ERICH1: variants seen among roughly 807,000 people sequenced by gnomAD.
The protein encoded by ERICH1 is glutamate rich 1.
In ERICH1, 56 loss-of-function variants were observed where a neutral mutation model predicts 39.6. The ratio of observed to expected loss-of-function variants is 1.41; its 90% confidence interval spans 1.14 to 1.77. The LOEUF is 1.77. Ranked by LOEUF, ERICH1 falls within the 40% of genes most tolerant of loss-of-function variation. ERICH1 has a pLI of 0.00. For missense variants in ERICH1, 826 were observed against 575.4 expected (o/e 1.44, Z -4.45); for synonymous variants, 313 against 223.6 (o/e 1.40, Z -3.57).
downstream of ERICH1, among the ~76,000 whole-genome samples, chr8:660,315 C>A (rs924487976): frequency 6.6e-6 from 1 of 152,256 alleles, no homozygotes; most frequent in East Asian, 1.9e-4. Context: ...AGGCAGATTA[C>A]CTGGGCAGGC....
At chr8:619,163 C>T (rs1276315188) in intron 3 of ERICH1, among the ~76,000 whole-genome samples, 1 of 151,984 alleles carries the variant, frequency 6.6e-6, no homozygotes, top group Admixed American at 6.6e-5. Context: ...CAGTCTGGGG[C>T]TCTGGCCACC....
At chr8:663,035 G>A (rs892165105), downstream of ERICH1, among the ~76,000 whole-genome samples, 10 of 152,378 alleles carry the variant, frequency 6.6e-5, no homozygotes, top group African/African-American at 1.4e-4. Context: ...GAAGAGTGGC[G>A]TCCGCTGCCA....
At chr8:644,532 T>TA in intron 3 of ERICH1, among the ~76,000 whole-genome samples, 1 of 69,048 alleles carries the variant, frequency 1.4e-5, no homozygotes, top group Non-Finnish European at 4.6e-5. Flanking sequence ...AAATATTTCA[T>TA]TTTCATTTTG....
At position 668,907 on chromosome 8, in the gene ERICH1, A is replaced by G. The variant is rs112423539; in HGVS notation, c.1064-115T>C. 1.1e-4 allele frequency: 106 copies of G among 921,970 alleles called. No homozygotes were observed. In the African/African-American group the frequency reaches 1.2e-3, roughly 10 times the overall value. 57.1% of individuals were successfully genotyped at this position (921,970 alleles called of 1,614,324 possible). On this transcript the variant is annotated intron_variant, in intron 4 of 5. Transcript: ENST00000262109. ...AACCTACGCTTCCACACAGAATGAC[A>G]TATCTGGGAGATGAGAAGCTACCAG...
chr8:719,322 A>C (rs4735913), intron 1 of ERICH1, among the ~76,000 whole-genome samples: 149,937 of 152,358 alleles, frequency 0.98, 73,823 homozygotes, highest in Middle Eastern at 1. Flanking sequence ...TTTTCCTTGT[A>C]CTCCACCATC....
chr8:628,334 A>G (rs1245599149), intron 3 of ERICH1, among the ~76,000 whole-genome samples: 2 of 152,140 alleles, frequency 1.3e-5, no homozygotes, highest in East Asian at 1.9e-4. Flanking sequence ...TGGAAATACT[A>G]CTTTACTGGG....
At chr8:634,098 G>C (rs1206702295) in intron 3 of ERICH1, among the ~76,000 whole-genome samples, 1 of 148,352 alleles carries the variant, frequency 6.7e-6, no homozygotes, top group African/African-American at 2.5e-5. Flanking sequence ...CACACAATGG[G>C]GAAAATATTT....
At chr8:700,942 G>A (rs1368066909) in intron 2 of ERICH1, among the ~76,000 whole-genome samples, 1 of 152,224 alleles carries the variant, frequency 6.6e-6, no homozygotes, top group Non-Finnish European at 1.5e-5. Flanking sequence ...AGGGCAATCT[G>A]GCCCAAAAAT....
intron 3 of ERICH1, chr8:627,370 C>T (rs1306561462): frequency 1.9e-5 from 7 of 371,168 alleles, no homozygotes; most frequent in Non-Finnish European, 3.3e-5. Flanking sequence ...GAAAAGTCTG[C>T]ACCTCACTGA....
At chr8:712,450 G>A (rs532173027) in intron 2 of ERICH1, among the ~76,000 whole-genome samples, 1 of 151,970 alleles carries the variant, frequency 6.6e-6, no homozygotes, top group Non-Finnish European at 1.5e-5. Context: ...TTGTTTTTGA[G>A]ACGGAGTCTT....
intron 2 of ERICH1, among the ~76,000 whole-genome samples, chr8:711,020 G>A (rs1196305574): frequency 1.3e-5 from 2 of 152,156 alleles, no homozygotes; most frequent in African/African-American, 2.4e-5. Context: ...TCCAGCATTT[G>A]GTGTTGTTAG....
intron 1 of ERICH1, among the ~76,000 whole-genome samples, chr8:719,425 C>T (rs531955388): frequency 1.2e-4 from 19 of 152,374 alleles, no homozygotes; most frequent in Admixed American, 5.2e-4. Context: ...TTCTGCAGAA[C>T]TGCAGATGGG....
intron 3 of ERICH1, among the ~76,000 whole-genome samples, 192 bp downstream of exon 3, chr8:692,286 C>G (rs927622171): frequency 6.6e-6 from 1 of 152,158 alleles, no homozygotes; most frequent in African/African-American, 2.4e-5. Flanking sequence ...CCTGTCATTA[C>G]AAGTCTTTTA....
chr8:656,725 T>C (rs1200576511), intron 3 of ERICH1: 1 of 983,580 alleles, frequency 1.0e-6, no homozygotes, highest in East Asian at 1.1e-4. Context: ...GCTGCAGGTC[T>C]GGGAAGAACA....
At chr8:617,544 T>G (rs1249957793) in intron 3 of ERICH1, among the ~76,000 whole-genome samples, 2 of 152,052 alleles carry the variant, frequency 1.3e-5, no homozygotes. Flanking sequence ...GCCCTCTGAG[T>G]GCTCAGTACT....
At chr8:665,679 C>A (rs1802104953) in intron 5 of ERICH1, among the ~76,000 whole-genome samples, 1 of 152,218 alleles carries the variant, frequency 6.6e-6, no homozygotes, top group Admixed American at 6.5e-5. Flanking sequence ...GCAGCTACTA[C>A]TGATAAAGAG....
At chr8:730,268 G>C (rs559074863) in intron 1 of ERICH1, among the ~76,000 whole-genome samples, 96 of 152,320 alleles carry the variant, frequency 6.3e-4, no homozygotes, top group Non-Finnish European at 1.1e-3. Flanking sequence ...AGGAAGACTT[G>C]AGACCATATT....
intron 3 of ERICH1, chr8:615,976 T>C (rs1025669893): frequency 1.3e-5 from 2 of 152,794 alleles, no homozygotes; most frequent in Non-Finnish European, 2.9e-5. Context: ...ATGATGTAGA[T>C]TGCCTTTTTC....
intron 3 of ERICH1, among the ~76,000 whole-genome samples, chr8:622,353 G>T (rs1046180087): frequency 1.3e-5 from 2 of 152,162 alleles, no homozygotes; most frequent in African/African-American, 4.8e-5. Context: ...AGAGTGACTA[G>T]GTCATGAGGG....
Sources: allele counts gnomAD v4.1 joint callset (sites outside exome capture counted in the v4.1 genomes callset), GRCh38; gene constraint gnomAD v4.1.1; transcripts MANE v1.5; gene names NCBI Gene and HGNC (gene_info 2026-07-23, HGNC 2026-07-21).